Variants in GRID1 observed in about 807,000 individuals in gnomAD.
GRID1 encodes the protein glutamate receptor ionotropic, delta-1.
A neutral mutation model predicts 98.0 loss-of-function variants in GRID1; 28 were observed. That is an observed-to-expected ratio of 0.29 (90% CI 0.21 to 0.39). GRID1 has a LOEUF of 0.39. Among genes scored for constraint, GRID1 ranks in the 10% least tolerant of loss-of-function variants. The pLI is 1.00. For synonymous variants in GRID1, 553 were observed against 538.5 expected (o/e 1.03, Z -0.37); for missense variants, 1,111 against 1,340.5 (o/e 0.83, Z 2.67).
intron 13 of GRID1, 63 bp from the exon 14 acceptor site, chr10:85,620,096 T>A: frequency 7.2e-7 from 1 of 1,393,670 alleles, no homozygotes; most frequent in Non-Finnish European, 1.0e-6. Flanking sequence ...CTTTGATTGG[T>A]GAGCCATCTT....
intron 13 of GRID1, among the ~76,000 whole-genome samples, chr10:85,643,035 C>G (rs1400318915): frequency 6.6e-6 from 1 of 152,096 alleles, no homozygotes; most frequent in Non-Finnish European, 1.5e-5. Context: ...AAACAATTCC[C>G]CACCTAAATT....
At chr10:86,300,374 G>A (rs564352681) in intron 2 of GRID1, among the ~76,000 whole-genome samples, 2 of 151,168 alleles carry the variant, frequency 1.3e-5, no homozygotes, top group South Asian at 2.1e-4. Flanking sequence ...GGCTGAAGCA[G>A]GAGGATCGCT....
chr10:86,115,850 T>A lies in GRID1; in HGVS notation c.726+22969A>T, dbSNP rs4598617. On this transcript the variant is annotated intron_variant, in intron 4 of 15. Coordinates refer to ENST00000327946, the MANE Select transcript of GRID1 (RefSeq NM_017551.3). ...CTTAACAACATTTCAGTTAACCATG[T>A]ACTGCATCTAAGACAGTGGTCCCAG... is the stretch of plus-strand genomic sequence containing the variant. Among the ~76,000 whole-genome samples the A allele has an allele frequency of 5.2e-3, 793 of 152,308 alleles. 11 individuals are homozygous for A. The highest frequency in any genetic ancestry group is 0.018 in the African/African-American group (768 of 41,558).
intron 6 of GRID1, among the ~76,000 whole-genome samples, chr10:85,858,935 T>C (rs1377977351): frequency 6.6e-6 from 1 of 152,180 alleles, no homozygotes; most frequent in African/African-American, 2.4e-5. Context: ...AGAGAGGTCT[T>C]GAACAAAGAG....
chr10:86,225,558 G>C (rs778845103), intron 2 of GRID1, among the ~76,000 whole-genome samples: 1 of 152,174 alleles, frequency 6.6e-6, no homozygotes, highest in Non-Finnish European at 1.5e-5. Context: ...GGTCCAGAAG[G>C]TACAGGAGAG....
chr10:85,661,184 T>C (rs79829760), intron 12 of GRID1, among the ~76,000 whole-genome samples: 1 of 151,790 alleles, frequency 6.6e-6, no homozygotes, highest in Non-Finnish European at 1.5e-5. Flanking sequence ...TTTTTTTTTT[T>C]AGCCCGGGCC....
chr10:86,068,874 T>G (rs889766440), intron 4 of GRID1, among the ~76,000 whole-genome samples: 1 of 152,136 alleles, frequency 6.6e-6, no homozygotes, highest in African/African-American at 2.4e-5. Context: ...GCATGCGTGA[T>G]CAGGAGTTGG....
intron 8 of GRID1, among the ~76,000 whole-genome samples, chr10:85,799,584 C>T (rs1842557023): frequency 6.6e-6 from 1 of 151,958 alleles, no homozygotes; most frequent in African/African-American, 2.4e-5. Flanking sequence ...ATGGATGAAC[C>T]TAGAGGACAT....
intron 13 of GRID1, among the ~76,000 whole-genome samples, chr10:85,638,501 T>TG (rs1224830982): frequency 6.6e-6 from 1 of 152,178 alleles, no homozygotes; most frequent in African/African-American, 2.4e-5. Flanking sequence ...AATAGTTATA[T>TG]GGATCAATGG....
At chr10:85,679,431 G>T (rs1324966005) in intron 12 of GRID1, among the ~76,000 whole-genome samples, 1 of 152,198 alleles carries the variant, frequency 6.6e-6, no homozygotes, top group Non-Finnish European at 1.5e-5. Context: ...GAGTTTAGCA[G>T]CCCTGACTTT....
chr10:86,021,267 A>G (rs1426125271), intron 4 of GRID1, among the ~76,000 whole-genome samples: 1 of 151,798 alleles, frequency 6.6e-6, no homozygotes, highest in Non-Finnish European at 1.5e-5. Context: ...CTCAGGAGAG[A>G]CTCCTTGGCG....
intron 13 of GRID1, among the ~76,000 whole-genome samples, chr10:85,623,059 C>T (rs947727799): frequency 1.3e-5 from 2 of 152,176 alleles, no homozygotes; most frequent in African/African-American, 4.8e-5. Context: ...CTAGCTCTGT[C>T]CTTAGGAAAT....
At chr10:86,050,168 G>A (rs1843481598) in intron 4 of GRID1, among the ~76,000 whole-genome samples, 1 of 152,136 alleles carries the variant, frequency 6.6e-6, no homozygotes, top group African/African-American at 2.4e-5. Flanking sequence ...AAGGAGACAG[G>A]GCGTCAGTAA....
At chr10:85,785,166 A>G (rs1327551648) in intron 8 of GRID1, among the ~76,000 whole-genome samples, 3 of 152,230 alleles carry the variant, frequency 2.0e-5, no homozygotes, top group African/African-American at 7.2e-5. Context: ...TGGATTTTAC[A>G]CGAATGAGAA....
At chr10:85,657,147 C>T (rs982805489) in intron 12 of GRID1, among the ~76,000 whole-genome samples, 2 of 152,134 alleles carry the variant, frequency 1.3e-5, no homozygotes, top group Non-Finnish European at 2.9e-5. Context: ...GTGTCTAGGT[C>T]GAATCAAATG....
chr10:85,830,525 T>G (rs1266835915), intron 8 of GRID1, among the ~76,000 whole-genome samples: 2 of 130,152 alleles, frequency 1.5e-5, no homozygotes, highest in African/African-American at 5.9e-5. Flanking sequence ...ACAGACAACT[T>G]ACAGAGTGGG....
chr10:85,695,301 T>C (rs1335374163), intron 12 of GRID1, among the ~76,000 whole-genome samples: 1 of 152,222 alleles, frequency 6.6e-6, no homozygotes, highest in Non-Finnish European at 1.5e-5. Context: ...AACCAGATGC[T>C]GTAGTTCTGG....
chr10:85,675,495 T>C (rs1841134523), intron 12 of GRID1, among the ~76,000 whole-genome samples: 1 of 152,198 alleles, frequency 6.6e-6, no homozygotes, highest in Non-Finnish European at 1.5e-5. Flanking sequence ...CGTGTATCAC[T>C]TGGGGAATTC....
At chr10:86,282,546 A>G (rs117924963) in intron 2 of GRID1, among the ~76,000 whole-genome samples, 1,660 of 152,246 alleles carry the variant, frequency 0.011, 32 homozygotes, top group South Asian at 0.037. Flanking sequence ...CAGCCCAGGA[A>G]AAAAAGGGGC....
Sources: gnomAD v4.1 joint callset for allele counts (sites outside exome capture counted in the v4.1 genomes callset) on GRCh38, gnomAD v4.1.1 for gene constraint, MANE v1.5 for transcripts, NCBI Gene and HGNC (gene_info 2026-07-23, HGNC 2026-07-21) for gene names.